Variants in SH3TC2 observed in about 807,000 individuals in gnomAD.
SH3TC2 encodes the protein SH3 domain and tetratricopeptide repeat-containing protein 2.
In SH3TC2, 87 loss-of-function variants were observed where a neutral mutation model predicts 124.5. The observed-to-expected ratio is 0.70, with a 90% CI of 0.59 to 0.84. SH3TC2 has a LOEUF of 0.84. Ranked by LOEUF, SH3TC2 falls within the 40% of genes least tolerant of loss-of-function variation. SH3TC2 has a pLI of 0.00. For missense variants in SH3TC2, 1,536 were observed against 1,566.4 expected (o/e 0.98, Z 0.33); for synonymous variants, 634 against 628.5 (o/e 1.01, Z -0.13).
At chr5:149,019,526 C>A (rs922847479) in intron 12 of SH3TC2, among the ~76,000 whole-genome samples, 4 of 152,120 alleles carry the variant, frequency 2.6e-5, no homozygotes, top group African/African-American at 9.7e-5. Flanking sequence ...AAATAGGAAT[C>A]TCAGAGTTTA....
chr5:149,024,605 A>G (rs1198695801), intron 12 of SH3TC2, among the ~76,000 whole-genome samples: 1 of 152,238 alleles, frequency 6.6e-6, no homozygotes, highest in Non-Finnish European at 1.5e-5. Context: ...AAAGAGACCA[A>G]GAGGAAAAGT....
Position 149,000,493 on chromosome 5 carries a change from TTC to T in SH3TC2, c.*4216_*4217del, listed in dbSNP as rs1229522388. On this transcript the variant is annotated 3_prime_UTR_variant, in exon 17 of 17. Transcript: ENST00000515425. ...ATTGTATTTGCCATTATTTACATAA[TTC>T]TGTTTATGGAAAACAATACAAGTTT... Among the ~76,000 whole-genome samples, 3 of 152,242 alleles carry T rather than the reference TTC, an allele frequency of 2.0e-5. No individual in the cohort carries two copies. Among genetic ancestry groups the T allele is most frequent in the African/African-American group, 7.2e-5 (3 of 41,470 alleles).
chr5:149,038,181 TG>T, intron 8 of SH3TC2, 113 bp downstream of exon 8: 1 of 925,366 alleles, frequency 1.1e-6, no homozygotes, highest in Non-Finnish European at 1.7e-6. Flanking sequence ...TGTGCTTTTC[TG>T]GCTCCATGTC....
In SH3TC2 at chr5:149,004,724, C is replaced by T; in HGVS notation, c.3854G>A (p.Gly1285Asp). The T allele has an allele frequency of 1.2e-6, 2 of 1,613,200 alleles. No individual in the cohort carries two copies. Among genetic ancestry groups the T allele is most frequent in the Non-Finnish European group, 1.7e-6 (2 of 1,179,944 alleles). Residue 1285 changes from glycine (G) to aspartate (D), a missense_variant, in exon 17 of 17, where the codon GGC becomes GAC. Physicochemically the swap from Gly to Asp is moderately conservative, Grantham distance 94. This residue lies in a region of SH3TC2 where 426 missense variants were observed against 443.5 expected (regional missense o/e 0.96). Transcript: ENST00000515425. ...GGACAGCTTTCCTCAGAGGGCCAGG[C>T]CACCACCACTCAGCCACCGCGCCCT... Reference protein sequence around the residue: ...SERARWLSGGGLAL With the variant: ...SERARWLSGGDLAL
intron 1 of SH3TC2, chr5:149,057,432 TC>T (rs1325800201): frequency 6.6e-6 from 1 of 152,206 alleles, no homozygotes; most frequent in East Asian, 1.9e-4. Flanking sequence ...TATTTTAAGT[TC>T]AGGGGTACCT....
rs1753309150 is a variant in SH3TC2 at position 148,984,865 on chromosome 5, T to C, written c.*19846A>G. Among the ~76,000 whole-genome samples, 1 of 152,172 alleles carries C rather than the reference T, an allele frequency of 6.6e-6. No individual in the cohort carries two copies. Among genetic ancestry groups the C allele is most frequent in the East Asian group, 1.9e-4 (1 of 5,198 alleles). ...CTCACTTCTTTGACCTCAAATAATT[T>C]GTAATCTGCAAATAGTCAAAGTGAG... On this transcript the variant is annotated 3_prime_UTR_variant, in exon 17 of 17. Transcript: ENST00000515425.
At chr5:149,005,069 C>T (rs1297478159) in intron 16 of SH3TC2, among the ~76,000 whole-genome samples, 167 bp from the exon 17 acceptor site, 2 of 152,168 alleles carry the variant, frequency 1.3e-5, no homozygotes, top group Admixed American at 1.3e-4. Context: ...CCCCTCTCTC[C>T]CTCCACTGTG....
intron 9 of SH3TC2, among the ~76,000 whole-genome samples, chr5:149,029,818 G>A (rs184585279): frequency 6.4e-4 from 97 of 152,024 alleles, no homozygotes; most frequent in African/African-American, 2.2e-3. Context: ...GTGGAACTGT[G>A]GAGGTGAAGG....
intron 14 of SH3TC2, among the ~76,000 whole-genome samples, chr5:149,009,712 A>G (rs1166202949): frequency 2.6e-5 from 4 of 152,258 alleles, no homozygotes. Flanking sequence ...TCTGCTTAAT[A>G]TCTGGACATT....
rs1753422470 is a variant in SH3TC2, at chr5:148,991,727, C to G, written c.*12984G>C. ...TTCCAGGTAGAATGAGAGGCTCTTG[C>G]AAACTGCTTTTGTAGAAATTATACT... On this transcript the variant is annotated 3_prime_UTR_variant, in exon 17 of 17. Transcript: ENST00000515425. Among the ~76,000 whole-genome samples the G allele has an allele frequency of 1.3e-5, 2 of 152,176 alleles. No individual in the cohort carries two copies. The highest frequency in any genetic ancestry group is 4.8e-5 in the African/African-American group (2 of 41,434).
intron 1 of SH3TC2, among the ~76,000 whole-genome samples, chr5:149,061,170 G>T (rs1215895142): frequency 6.6e-6 from 1 of 152,168 alleles, no homozygotes. Flanking sequence ...CAAAAAGAAG[G>T]TGAAAGAATA....
rs1330856578 is a variant in SH3TC2, at chr5:149,040,639, G to A, written c.770C>T (p.Ser257Phe). The change falls in exon 7 of 17, where the codon TCC becomes TTC. Residue 257 changes from serine to phenylalanine, a missense_variant. Ser to Phe is a radical substitution (Grantham distance 155). Transcript: ENST00000515425. ...GGAGCCTGTCCAATCCCTCTTCCTG[G>A]AAAGGCCACAGCTTCCTGGATAATT... The part of the protein sequence containing the change: ...LKNYPGSCGL[S>F]RKRDWTGSYQ... 1 of 1,613,994 alleles carries A rather than the reference G, an allele frequency of 6.2e-7. No individual in the cohort carries two copies. The highest frequency in any genetic ancestry group is 1.3e-5 in the African/African-American group (1 of 74,890).
At chr5:149,037,269 C>G (rs919611752) in intron 8 of SH3TC2, among the ~76,000 whole-genome samples, 1 of 150,718 alleles carries the variant, frequency 6.6e-6, no homozygotes, top group African/African-American at 2.5e-5. Flanking sequence ...TCACATGTCC[C>G]CTTCTTCATG....
intron 14 of SH3TC2, 70 bp from the exon 15 acceptor site, chr5:149,009,071 T>A (rs1753740410): frequency 6.3e-7 from 1 of 1,595,460 alleles, no homozygotes; most frequent in Admixed American, 1.7e-5. Context: ...CTAGGAGACT[T>A]ATCTTCTACA....
Position 149,038,669 on chromosome 5 carries a change from AT to A in SH3TC2, c.806-180del, listed in dbSNP as rs1291130735. Among the ~76,000 whole-genome samples, 11 of 152,216 alleles carry A rather than the reference AT, an allele frequency of 7.2e-5. 1 individual carries two copies. The highest frequency in any genetic ancestry group is 6.5e-4 in the Admixed American group (10 of 15,280). ...AATGACACAGGACAATTTGCTTTTCATTTTGCCAAACTAGGACATATTTTTA... is the reference window on the plus strand; with the variant it reads ...AATGACACAGGACAATTTGCTTTTCATTTGCCAAACTAGGACATATTTTTA... On this transcript the variant is annotated intron_variant, in intron 7 of 16. Coordinates refer to ENST00000515425, the MANE Select transcript of SH3TC2 (RefSeq NM_024577.4).
chr5:149,030,526 TC>T lies in SH3TC2; in HGVS notation c.1135+1027del, dbSNP rs565009865. ...ACACCTCAATTTTCAGACATCAGGC[TC>T]CCGCCTACTGGGCAGTGTTTACAAC... is the stretch of plus-strand genomic sequence containing the variant. On this transcript the variant is annotated intron_variant, in intron 9 of 16. Transcript: ENST00000515425. Among the ~76,000 whole-genome samples, 238 of 152,338 alleles carry T rather than the reference TC, an allele frequency of 1.6e-3. 1 individual carries two copies. Among genetic ancestry groups the T allele is most frequent in the African/African-American group, 5.4e-3 (224 of 41,590 alleles).
chr5:149,040,005 T>C (rs914959262), intron 7 of SH3TC2, among the ~76,000 whole-genome samples: 9 of 152,168 alleles, frequency 5.9e-5, no homozygotes, highest in Non-Finnish European at 1.2e-4. Context: ...TATTTCTAGA[T>C]GTCTAAAAAG....
chr5:149,054,569 T>A (rs1754610898), intron 1 of SH3TC2, among the ~76,000 whole-genome samples: 1 of 151,164 alleles, frequency 6.6e-6, no homozygotes, highest in African/African-American at 2.4e-5. Flanking sequence ...TATTTTTTTC[T>A]GGCCCACACA....
chr5:149,061,297 A>G (rs1282785631), intron 1 of SH3TC2, among the ~76,000 whole-genome samples: 1 of 152,198 alleles, frequency 6.6e-6, no homozygotes, highest in Non-Finnish European at 1.5e-5. Flanking sequence ...CTGAAGGACG[A>G]TGTCAACTAG....
Sources: allele counts gnomAD v4.1 joint callset (sites outside exome capture counted in the v4.1 genomes callset), GRCh38; gene constraint gnomAD v4.1.1; regional missense constraint gnomAD v4.1.1; transcripts MANE v1.5; gene names NCBI Gene and HGNC (gene_info 2026-07-23, HGNC 2026-07-21).